The following CYP7B1 variants were observed in gnomAD, a reference collection of about 807,000 sequenced individuals.
CYP7B1 encodes the protein cytochrome P450 family 7 subfamily B member 1, also known as cytochrome P450 7B1.
Under a neutral mutation model 42.7 loss-of-function variants are expected in CYP7B1, and 29 were observed. The ratio of observed to expected loss-of-function variants is 0.68; its 90% CI spans 0.51 to 0.93. The LOEUF is 0.93. CYP7B1 is among the 40% of genes least tolerant of loss of function. The probability of loss-of-function intolerance (pLI) is 0.00; values close to 1 mark genes in which losing one functional copy is unlikely to be tolerated. For synonymous variants in CYP7B1, 235 were observed against 218.2 expected, an observed-to-expected ratio of 1.08 and a Z score of -0.68; for missense variants, 655 against 600.5, an observed-to-expected ratio of 1.09 and a Z score of -0.95.
intron 1 of CYP7B1, among the ~76,000 whole-genome samples, chr8:64,670,106 A>G (rs1806342710): frequency 1.3e-5 from 2 of 152,218 alleles, no homozygotes; most frequent in Non-Finnish European, 2.9e-5. Flanking sequence ...GGCAGAACTC[A>G]GAGAACACTG....
chr8:64,710,094 G>A (rs992800354), intron 1 of CYP7B1, among the ~76,000 whole-genome samples: 13 of 152,050 alleles, frequency 8.5e-5, no homozygotes, highest in African/African-American at 3.1e-4. Flanking sequence ...ATTCAGGCTC[G>A]CTGATTCCAT....
At chr8:64,767,780 A>C (rs1415674383) in intron 1 of CYP7B1, among the ~76,000 whole-genome samples, 2 of 152,264 alleles carry the variant, frequency 1.3e-5, no homozygotes, top group Admixed American at 1.3e-4. Flanking sequence ...TGTCTCTTCC[A>C]GAATCAAAGC....
At chr8:64,768,151 A>G (rs925618435) in intron 1 of CYP7B1, among the ~76,000 whole-genome samples, 2 of 152,176 alleles carry the variant, frequency 1.3e-5, no homozygotes, top group South Asian at 4.1e-4. Context: ...TACCCGACCA[A>G]TCAGGTAGCA....
At chr8:64,699,604 A>G (rs1806882280) in intron 1 of CYP7B1, among the ~76,000 whole-genome samples, 1 of 152,144 alleles carries the variant, frequency 6.6e-6, no homozygotes, top group Admixed American at 6.6e-5. Flanking sequence ...TTTTGAACAC[A>G]TCAAATTTCT....
intron 1 of CYP7B1, among the ~76,000 whole-genome samples, chr8:64,792,625 G>A (rs1175665857): frequency 6.6e-6 from 1 of 152,152 alleles, no homozygotes; most frequent in East Asian, 1.9e-4. Context: ...GGATTATCCA[G>A]AAAAGATCTG....
chr8:64,744,408 T>C (rs1807613227), intron 1 of CYP7B1, among the ~76,000 whole-genome samples: 1 of 152,104 alleles, frequency 6.6e-6, no homozygotes, highest in Non-Finnish European at 1.5e-5. Context: ...GGACAGAATT[T>C]GCCACGGTAG....
chr8:64,775,687 G>T (rs1804312785), intron 1 of CYP7B1, among the ~76,000 whole-genome samples: 1 of 152,120 alleles, frequency 6.6e-6, no homozygotes, highest in African/African-American at 2.4e-5. Flanking sequence ...CGTGCTGTGG[G>T]AACCTAGGGG....
At chr8:64,607,174 AT>A (rs8192901) in intron 4 of CYP7B1, among the ~76,000 whole-genome samples, 1 of 152,078 alleles carries the variant, frequency 6.6e-6, no homozygotes, top group Non-Finnish European at 1.5e-5. Flanking sequence ...CATGACCCTC[AT>A]TTTTTCCCCC....
intron 1 of CYP7B1, among the ~76,000 whole-genome samples, chr8:64,754,145 G>A (rs1415989731): frequency 6.6e-6 from 1 of 152,230 alleles, no homozygotes; most frequent in African/African-American, 2.4e-5. Flanking sequence ...AGGGGACAGA[G>A]GGTGTGAGGA....
chr8:64,680,571 A>G (rs568325915), intron 1 of CYP7B1, among the ~76,000 whole-genome samples: 65 of 152,160 alleles, frequency 4.3e-4, no homozygotes, highest in Non-Finnish European at 8.5e-4. Context: ...AATTCACAAA[A>G]AAAAACCACT....
At chr8:64,646,854 G>T (rs1461083186) in intron 1 of CYP7B1, among the ~76,000 whole-genome samples, 1 of 152,152 alleles carries the variant, frequency 6.6e-6, no homozygotes, top group Non-Finnish European at 1.5e-5. Context: ...AGCAACAAGG[G>T]TGCTTCACTT....
chr8:64,737,670 T>C (rs1807510064), intron 1 of CYP7B1, among the ~76,000 whole-genome samples: 1 of 152,226 alleles, frequency 6.6e-6, no homozygotes, highest in Non-Finnish European at 1.5e-5. Flanking sequence ...CCTCCTAGGC[T>C]CCTCTTCTCA....
chr8:64,599,329 C>T (rs369408171), intron 5 of CYP7B1, among the ~76,000 whole-genome samples: 1 of 152,016 alleles, frequency 6.6e-6, no homozygotes, highest in Admixed American at 6.5e-5. Context: ...GCTGGGACTA[C>T]AGGCGCCCAC....
At chr8:64,648,466 A>G (rs1372626159) in intron 1 of CYP7B1, among the ~76,000 whole-genome samples, 1 of 152,190 alleles carries the variant, frequency 6.6e-6, no homozygotes, top group Non-Finnish European at 1.5e-5. Context: ...AGTTTCCACA[A>G]TGGTTCATTC....
intron 1 of CYP7B1, among the ~76,000 whole-genome samples, chr8:64,681,413 A>G (rs994902612): frequency 1.3e-5 from 2 of 152,186 alleles, no homozygotes; most frequent in African/African-American, 4.8e-5. Flanking sequence ...TGGCCCCTAC[A>G]GAGCTTCACC....
intron 1 of CYP7B1, among the ~76,000 whole-genome samples, chr8:64,632,284 C>T (rs1321612192): frequency 6.6e-5 from 10 of 152,110 alleles, no homozygotes; most frequent in East Asian, 1.9e-4. Context: ...CAGATAAACG[C>T]GGAGGACATT....
At chr8:64,740,229 C>T (rs1463589223) in intron 1 of CYP7B1, among the ~76,000 whole-genome samples, 2 of 151,882 alleles carry the variant, frequency 1.3e-5, no homozygotes, top group Non-Finnish European at 2.9e-5. Context: ...TTTCTCAGAC[C>T]ACAGTCAAAT....
At chr8:64,763,759 G>C (rs56007427) in intron 1 of CYP7B1, among the ~76,000 whole-genome samples, 1 of 152,176 alleles carries the variant, frequency 6.6e-6, no homozygotes, top group Non-Finnish European at 1.5e-5. Flanking sequence ...CTGTCATCCC[G>C]AACTCCCAGC....
rs150213053 is a variant in CYP7B1, at chr8:64,699,139, T to C, written c.123-74600A>G. 1.1e-3 allele frequency among the ~76,000 whole-genome samples: 171 copies of C among 152,284 alleles called. 1 individual carries two copies. The highest frequency in any genetic ancestry group is 3.0e-3 in the Admixed American group (46 of 15,286). ...CTGGAGAAATATACACTGCTTATTCTAAATTGCTGCTGATGTCCAGCACTT... is the reference window on the plus strand; with the variant it reads ...CTGGAGAAATATACACTGCTTATTCCAAATTGCTGCTGATGTCCAGCACTT... On this transcript the variant is annotated intron_variant, in intron 1 of 5. Coordinates refer to ENST00000310193, the MANE Select transcript of CYP7B1 (RefSeq NM_004820.5).
Sources: gnomAD v4.1 joint callset for allele counts (sites outside exome capture counted in the v4.1 genomes callset) on GRCh38, gnomAD v4.1.1 for gene constraint, MANE v1.5 for transcripts, NCBI Gene and HGNC (gene_info 2026-07-23, HGNC 2026-07-21) for gene names.